The following LRFN2 variants were observed in gnomAD, a reference collection of about 807,000 sequenced individuals.
LRFN2 encodes the protein leucine rich repeat and fibronectin type III domain containing 2.
LRFN2 carries 18 observed loss-of-function variants against 37.3 expected under a neutral mutation model. That is an observed-to-expected ratio of 0.48 (90% CI 0.33 to 0.72). LRFN2 has a LOEUF of 0.72. Ranked by LOEUF, LRFN2 falls within the 30% of genes least tolerant of loss-of-function variation. The pLI is 0.02. For missense variants in LRFN2, 1,006 were observed against 1,060.7 expected (o/e 0.95, Z 0.72); for synonymous variants, 556 against 466.6 (o/e 1.19, Z -2.47).
chr6:40,525,475 C>T (rs1228032482), intron 1 of LRFN2, among the ~76,000 whole-genome samples: 2 of 152,164 alleles, frequency 1.3e-5, no homozygotes, highest in Non-Finnish European at 2.9e-5. Context: ...ATCAATGAAA[C>T]GTCATGTACA....
chr6:40,462,936 A>G (rs1198285172), intron 1 of LRFN2, among the ~76,000 whole-genome samples: 1 of 152,200 alleles, frequency 6.6e-6, no homozygotes, highest in East Asian at 1.9e-4. Flanking sequence ...CCTTGCAACT[A>G]GGTGTAGCCA....
At chr6:40,515,201 G>C (rs1285044430) in intron 1 of LRFN2, among the ~76,000 whole-genome samples, 2 of 152,188 alleles carry the variant, frequency 1.3e-5, no homozygotes, top group East Asian at 3.8e-4. Context: ...GAGTAAAGGG[G>C]GGAAGGGGAT....
At chr6:40,509,493 G>C (rs1765635731) in intron 1 of LRFN2, among the ~76,000 whole-genome samples, 1 of 152,272 alleles carries the variant, frequency 6.6e-6, no homozygotes, top group South Asian at 2.1e-4. Context: ...ACAGAAAAGA[G>C]AGTGTGCTGT....
chr6:40,552,671 T>C (rs904045633), intron 1 of LRFN2, among the ~76,000 whole-genome samples: 4 of 152,214 alleles, frequency 2.6e-5, no homozygotes, highest in Non-Finnish European at 5.9e-5. Flanking sequence ...CATTTTTCTT[T>C]CCTTTCTTGC....
intron 1 of LRFN2, among the ~76,000 whole-genome samples, chr6:40,568,044 G>T (rs1030474312): frequency 1.3e-5 from 2 of 152,036 alleles, no homozygotes; most frequent in African/African-American, 2.4e-5. Flanking sequence ...CTTCCCAGAC[G>T]GTCTACAGTT....
chr6:40,410,804 A>G (rs1762950416), intron 2 of LRFN2, among the ~76,000 whole-genome samples: 1 of 152,216 alleles, frequency 6.6e-6, no homozygotes, highest in African/African-American at 2.4e-5. Context: ...CCAGATGGGC[A>G]GAGGAGCCTT....
At chr6:40,406,909 T>G (rs1270220937) in intron 2 of LRFN2, among the ~76,000 whole-genome samples, 1 of 152,230 alleles carries the variant, frequency 6.6e-6, no homozygotes, top group Non-Finnish European at 1.5e-5. Flanking sequence ...AGTTTGTCTT[T>G]GGCCCTTCTC....
chr6:40,543,712 G>A (rs1262618086), intron 1 of LRFN2, among the ~76,000 whole-genome samples: 1 of 152,182 alleles, frequency 6.6e-6, no homozygotes, highest in East Asian at 1.9e-4. Context: ...AGGCACTGGG[G>A]GCTTCCCTTG....
chr6:40,488,822 C>T (rs1421079651), intron 1 of LRFN2, among the ~76,000 whole-genome samples: 1 of 152,084 alleles, frequency 6.6e-6, no homozygotes, highest in East Asian at 1.9e-4. Context: ...ATTTCCCTAT[C>T]CCTCAGGGTT....
intron 2 of LRFN2, among the ~76,000 whole-genome samples, chr6:40,411,691 C>T (rs1480874107): frequency 6.6e-6 from 1 of 152,030 alleles, no homozygotes; most frequent in Non-Finnish European, 1.5e-5. Flanking sequence ...CCACAGACCT[C>T]AGTCCAGCTC....
chr6:40,446,597 T>C (rs1203053263), intron 1 of LRFN2, among the ~76,000 whole-genome samples: 3 of 152,232 alleles, frequency 2.0e-5, no homozygotes, highest in Non-Finnish European at 4.4e-5. Context: ...GCGATATGTA[T>C]ACATTGAACA....
chr6:40,473,223 C>T (rs543437447), intron 1 of LRFN2, among the ~76,000 whole-genome samples: 5 of 152,310 alleles, frequency 3.3e-5, no homozygotes, highest in East Asian at 1.9e-4. Context: ...CCAGTTGCCA[C>T]GCCTCAGCCA....
intron 2 of LRFN2, among the ~76,000 whole-genome samples, chr6:40,400,048 C>T (rs562801459): frequency 6.6e-6 from 1 of 151,812 alleles, no homozygotes; most frequent in South Asian, 2.1e-4. Flanking sequence ...CACTGGGTGA[C>T]CTCATCTTTT....
At chr6:40,519,679 C>A (rs1419185842) in intron 1 of LRFN2, among the ~76,000 whole-genome samples, 2 of 152,194 alleles carry the variant, frequency 1.3e-5, no homozygotes, top group Non-Finnish European at 2.9e-5. Context: ...TGCTTTCAGC[C>A]ATTGAGTTTT....
chr6:40,517,321 T>G (rs2113894813), intron 1 of LRFN2: 1 of 152,306 alleles, frequency 6.6e-6, no homozygotes, highest in African/African-American at 2.4e-5. Context: ...GTATGGGGGA[T>G]GAAGGTATGA....
In LRFN2 at chr6:40,399,438, CT is replaced by C. The variant is rs71543989; in HGVS notation, c.1401-6527del. ...TTCTTTTTCTTTTCTTTTTTTTTTTCTTTTTTTTTTTTTTTGAGACACAGTC... is the reference window on the plus strand; with the variant it reads ...TTCTTTTTCTTTTCTTTTTTTTTTTCTTTTTTTTTTTTTTGAGACACAGTC... On this transcript the variant is annotated intron_variant, in intron 2 of 2. Coordinates refer to ENST00000338305, the MANE Select transcript of LRFN2 (RefSeq NM_020737.3). Among the ~76,000 whole-genome samples, 45 of 108,942 alleles carry C rather than the reference CT, an allele frequency of 4.1e-4. No individual in the cohort carries two copies. In the South Asian group the frequency reaches 4.3e-3, roughly 10 times the overall value. The allele number at this position is 108,942 out of a possible 152,430, so 71.5% of individuals were successfully genotyped here.
intron 1 of LRFN2, among the ~76,000 whole-genome samples, chr6:40,561,578 G>A (rs577395078): frequency 9.2e-5 from 14 of 152,338 alleles, no homozygotes; most frequent in Non-Finnish European, 1.5e-4. Context: ...AGTACATGGG[G>A]TACTAGGGAG....
At chr6:40,428,113 G>C (rs568039781) in intron 2 of LRFN2, among the ~76,000 whole-genome samples, 2 of 152,226 alleles carry the variant, frequency 1.3e-5, no homozygotes, top group Admixed American at 6.5e-5. Flanking sequence ...AAATGAGTTA[G>C]TGCACATAGG....
intron 1 of LRFN2, among the ~76,000 whole-genome samples, chr6:40,465,858 G>A (rs1764449461): frequency 6.6e-6 from 1 of 152,142 alleles, no homozygotes; most frequent in Non-Finnish European, 1.5e-5. Flanking sequence ...CCTCTAACTT[G>A]CCACTGCTGC....
Sources: gnomAD v4.1 joint callset for allele counts (sites outside exome capture counted in the v4.1 genomes callset) on GRCh38, gnomAD v4.1.1 for gene constraint, MANE v1.5 for transcripts, NCBI Gene and HGNC (gene_info 2026-07-23, HGNC 2026-07-21) for gene names.